Variants in DHRS7B observed in about 807,000 individuals in gnomAD.
DHRS7B encodes peroxisomal reductase activating PPAR-gamma.
Under a neutral mutation model 26.4 loss-of-function variants are expected in DHRS7B, and 24 were observed. The observed-to-expected ratio is 0.91, with a 90% confidence interval of 0.66 to 1.28. The LOEUF is 1.28. Ranked by LOEUF, DHRS7B falls within the 50% of genes most tolerant of loss-of-function variation. DHRS7B has a pLI of 0.00. For synonymous variants in DHRS7B, 142 were observed against 166.4 expected (o/e 0.85, Z 1.13); for missense variants, 368 against 419.4 (o/e 0.88, Z 1.07).
intron 2 of DHRS7B, chr17:21,172,556 C>G (rs915271643): frequency 2.9e-6 from 1 of 343,136 alleles, no homozygotes; most frequent in Non-Finnish European, 5.5e-6. Flanking sequence ...CAAATATGGA[C>G]AGCTAACTTA....
At chr17:21,135,647 A>G (rs1184850586) in intron 1 of DHRS7B, among the ~76,000 whole-genome samples, 2 of 152,240 alleles carry the variant, frequency 1.3e-5, no homozygotes, top group African/African-American at 2.4e-5. Flanking sequence ...TAAATAATCT[A>G]TAAGATTTTA....
chr17:21,164,030 C>CTTTTTTTTTTTT lies in DHRS7B; in HGVS notation c.21-7983_21-7972dup, dbSNP rs35189205. Among the ~76,000 whole-genome samples, 57 of 96,952 alleles carry CTTTTTTTTTTTT rather than the reference C, an allele frequency of 5.9e-4. 13 individuals are homozygous for CTTTTTTTTTTTT. The highest frequency in any genetic ancestry group is 1.3e-3 in the African/African-American group (25 of 19,764). 63.6% of individuals were successfully genotyped at this position (96,952 alleles called of 152,430 possible). On this transcript the variant is annotated intron_variant, in intron 1 of 6. Transcript: ENST00000395511. ...AGTGCAGATATTGTCAATTGTTGTG[C>CTTTTTTTTTTTT]TTTTTTTTTTTTTTTTGAGACAGGG...
intron 1 of DHRS7B, among the ~76,000 whole-genome samples, chr17:21,153,453 G>A (rs1333057859): frequency 1.3e-5 from 2 of 152,294 alleles, no homozygotes; most frequent in East Asian, 3.9e-4. Flanking sequence ...AGAAAGAAGA[G>A]AGAAAGGAAT....
chr17:21,180,205 T>C (rs932433072), intron 3 of DHRS7B, among the ~76,000 whole-genome samples: 1 of 151,384 alleles, frequency 6.6e-6, no homozygotes, highest in African/African-American at 2.4e-5. Flanking sequence ...CTCCCAAATA[T>C]CTGGGACTAC....
chr17:21,145,099 C>T (rs959651748), intron 1 of DHRS7B, among the ~76,000 whole-genome samples: 23 of 151,946 alleles, frequency 1.5e-4, no homozygotes, highest in East Asian at 1.2e-3. Context: ...CCAAGGTGGG[C>T]GGATCACGAG....
intron 1 of DHRS7B, among the ~76,000 whole-genome samples, chr17:21,135,392 A>G (rs1973319714): frequency 6.6e-6 from 1 of 152,202 alleles, no homozygotes; most frequent in African/African-American, 2.4e-5. Context: ...TAGGTCAGAA[A>G]AAGACATAAT....
intron 2 of DHRS7B, 155 bp downstream of exon 2, chr17:21,172,351 A>C: frequency 9.1e-6 from 8 of 876,068 alleles, no homozygotes; most frequent in Non-Finnish European, 1.4e-5. Flanking sequence ...CCTTGGTACA[A>C]GTGGAAAAAG....
chr17:21,158,968 A>AT (rs1973937757), intron 1 of DHRS7B, among the ~76,000 whole-genome samples: 1 of 152,136 alleles, frequency 6.6e-6, no homozygotes, highest in Non-Finnish European at 1.5e-5. Context: ...AAAAAAAAAA[A>AT]AAAAATCTAA....
chr17:21,146,887 T>A (rs1973654299), intron 1 of DHRS7B, among the ~76,000 whole-genome samples: 1 of 152,234 alleles, frequency 6.6e-6, no homozygotes, highest in Admixed American at 6.5e-5. Context: ...AATGATCTAC[T>A]GTCTTTTTCT....
chr17:21,137,279 C>A (rs1479291506), intron 1 of DHRS7B, among the ~76,000 whole-genome samples: 1 of 146,778 alleles, frequency 6.8e-6, no homozygotes, highest in Non-Finnish European at 1.5e-5. Flanking sequence ...TGGGCCTGCC[C>A]ATTTTTCTTT....
At chr17:21,163,871 TAG>T (rs1974051195) in intron 1 of DHRS7B, among the ~76,000 whole-genome samples, 1 of 151,982 alleles carries the variant, frequency 6.6e-6, no homozygotes, top group Non-Finnish European at 1.5e-5. Context: ...GTATTTTTGG[TAG>T]AGACGGGGTT....
chr17:21,185,652 G>A (rs1250037998), intron 5 of DHRS7B, among the ~76,000 whole-genome samples: 4 of 151,738 alleles, frequency 2.6e-5, no homozygotes, highest in African/African-American at 9.7e-5. Context: ...TAAAGCAAAT[G>A]AGTTAAAATG....
At chr17:21,135,742 T>G (rs1198938047) in intron 1 of DHRS7B, among the ~76,000 whole-genome samples, 2 of 152,232 alleles carry the variant, frequency 1.3e-5, no homozygotes, top group African/African-American at 4.8e-5. Flanking sequence ...ACCTAACTAA[T>G]CTGACACAGG....
chr17:21,161,612 T>C (rs944050928), intron 1 of DHRS7B, among the ~76,000 whole-genome samples: 7 of 152,114 alleles, frequency 4.6e-5, no homozygotes, highest in African/African-American at 1.4e-4. Context: ...GAAGAGGGCC[T>C]TGTGAGAGAA....
intron 1 of DHRS7B, among the ~76,000 whole-genome samples, chr17:21,130,450 G>A (rs940367449): frequency 6.6e-6 from 1 of 152,060 alleles, no homozygotes; most frequent in South Asian, 2.1e-4. Context: ...GTTTGTAAAG[G>A]GGGGGTTCCA....
chr17:21,171,943 T>G, intron 1 of DHRS7B, 75 bp from the exon 2 acceptor site: 2 of 1,564,924 alleles, frequency 1.3e-6, no homozygotes, highest in Non-Finnish European at 1.8e-6. Flanking sequence ...TCATATCAGA[T>G]GAGAGGAAGA....
chr17:21,143,766 T>G (rs1973580280), intron 1 of DHRS7B, among the ~76,000 whole-genome samples: 1 of 152,348 alleles, frequency 6.6e-6, no homozygotes, highest in African/African-American at 2.4e-5. Flanking sequence ...GAGTTGTAGT[T>G]ATTGCTGACT....
At chr17:21,183,895 C>T in intron 4 of DHRS7B, 85 bp downstream of exon 4, 1 of 1,188,664 alleles carries the variant, frequency 8.4e-7, no homozygotes, top group Non-Finnish European at 1.2e-6. Flanking sequence ...CTAAACGTTC[C>T]CCATCTCCAT....
At chr17:21,129,704 C>CAAAAAAAAAAAAAAAAA (rs61077377) in intron 1 of DHRS7B, among the ~76,000 whole-genome samples, 21 of 74,718 alleles carry the variant, frequency 2.8e-4, no homozygotes, top group East Asian at 4.3e-4. Context: ...GACCCTGACT[C>CAAAAAAAAAAAAAAAAA]AAAAAAAAAA....
Sources: allele counts gnomAD v4.1 joint callset (sites outside exome capture counted in the v4.1 genomes callset), GRCh38; gene constraint gnomAD v4.1.1; transcripts MANE v1.5; gene names NCBI Gene and HGNC (gene_info 2026-07-23, HGNC 2026-07-21).